Variants in PHACTR1 observed in about 807,000 individuals in gnomAD.
PHACTR1 encodes the protein phosphatase and actin regulator 1.
A neutral mutation model predicts 69.2 loss-of-function variants in PHACTR1; 16 were observed. That is an observed-to-expected ratio of 0.23 (90% confidence interval 0.16 to 0.35). PHACTR1 has a LOEUF of 0.35. Among genes scored for constraint, PHACTR1 ranks in the 10% least tolerant of loss-of-function variants. The pLI, the probability that PHACTR1 is intolerant of heterozygous loss-of-function variation, is 1.00. For synonymous variants in PHACTR1, 312 were observed against 284.5 expected (o/e 1.10, Z -0.97); for missense variants, 510 against 734.7 (o/e 0.69, Z 3.54).
intron 4 of PHACTR1, among the ~76,000 whole-genome samples, chr6:12,985,298 T>C (rs1344643145): frequency 6.6e-6 from 1 of 151,930 alleles, no homozygotes; most frequent in East Asian, 1.9e-4. Context: ...CTTACTCCAA[T>C]TGAGAAATTA....
intron 4 of PHACTR1, among the ~76,000 whole-genome samples, chr6:13,033,143 C>T (rs1014687510): frequency 1.3e-5 from 2 of 152,126 alleles, no homozygotes; most frequent in African/African-American, 4.8e-5. Flanking sequence ...GAAGAATACG[C>T]CAGCCAGACC....
intron 5 of PHACTR1, among the ~76,000 whole-genome samples, chr6:13,116,128 C>T (rs923528464): frequency 9.2e-5 from 14 of 152,180 alleles, no homozygotes; most frequent in African/African-American, 3.1e-4. Flanking sequence ...ATTCAATCAA[C>T]AAGATGCAAT....
At chr6:13,014,120 G>A (rs149166703) in intron 4 of PHACTR1, among the ~76,000 whole-genome samples, 2 of 152,144 alleles carry the variant, frequency 1.3e-5, no homozygotes, top group African/African-American at 4.8e-5. Flanking sequence ...ACTGCAGTCG[G>A]GGGGAGGACG....
At chr6:13,166,352 A>G (rs938751776) in intron 6 of PHACTR1, among the ~76,000 whole-genome samples, 2 of 151,916 alleles carry the variant, frequency 1.3e-5, no homozygotes, top group Non-Finnish European at 2.9e-5. Context: ...TTTCTTGCCT[A>G]TCTCTCCTCA....
At chr6:12,730,276 T>G (rs1183636127) in intron 3 of PHACTR1, among the ~76,000 whole-genome samples, 10 of 152,222 alleles carry the variant, frequency 6.6e-5, no homozygotes, top group Non-Finnish European at 1.5e-5. Flanking sequence ...AAAAACATAT[T>G]TTCTAAATGA....
chr6:13,275,016 A>G lies in PHACTR1; in HGVS notation c.1447+2101A>G, dbSNP rs568778078. The G allele has an allele frequency of 2.6e-5, 4 of 152,216 alleles. No individual in the cohort carries two copies. The South Asian group carries it at 6.2e-4, about 24-fold the overall frequency. 9.4% of individuals were successfully genotyped at this position (152,216 alleles called of 1,614,324 possible). A position where few individuals can be genotyped will look rare whatever the true frequency, so the allele number is the denominator to read the frequency against. Reference sequence around the variant, plus strand: ...ATTTTTTTAAATTTAATCTATTGCGATTGTTAAACAAAAAAAATGTCTAGT... The same window carrying G: ...ATTTTTTTAAATTTAATCTATTGCGGTTGTTAAACAAAAAAAATGTCTAGT... On this transcript the variant is annotated intron_variant, in intron 11 of 14. Coordinates refer to ENST00000332995, the MANE Select transcript of PHACTR1 (RefSeq NM_030948.6). The surrounding 1 kb of genome is among the most constrained non-coding windows in gnomAD (Gnocchi z 4.0).
chr6:12,856,100 A>G (rs982289748), intron 4 of PHACTR1, among the ~76,000 whole-genome samples: 8 of 152,182 alleles, frequency 5.3e-5, no homozygotes, highest in African/African-American at 1.9e-4. Flanking sequence ...GGAAAAGCTC[A>G]GTGAATCTAA....
intron 3 of PHACTR1, 62 bp downstream of exon 3, chr6:12,718,909 G>A: frequency 3.1e-6 from 3 of 983,042 alleles, no homozygotes; most frequent in South Asian, 1.6e-5. Context: ...GAACAGCCAT[G>A]TAGGCTGTAG....
At chr6:12,798,930 C>G (rs141625583) in intron 4 of PHACTR1, among the ~76,000 whole-genome samples, 1 of 152,270 alleles carries the variant, frequency 6.6e-6, no homozygotes, top group Non-Finnish European at 1.5e-5. Flanking sequence ...TCTCCAAGAA[C>G]CAAATTCCAC....
chr6:13,284,792 CAT>C (rs1012925814), intron 13 of PHACTR1, among the ~76,000 whole-genome samples: 5 of 151,990 alleles, frequency 3.3e-5, no homozygotes, highest in African/African-American at 1.2e-4. Flanking sequence ...GTGCAGGAAA[CAT>C]GTATGCAGGC....
chr6:12,724,343 T>C (rs1012688822), intron 3 of PHACTR1, among the ~76,000 whole-genome samples: 4 of 152,012 alleles, frequency 2.6e-5, no homozygotes, highest in South Asian at 2.1e-4. Flanking sequence ...TAAATAAATA[T>C]ATAAAAATAA....
At position 13,283,620 on chromosome 6, in the gene PHACTR1, G is replaced by C; in HGVS notation, c.1650+58G>C. The C allele has an allele frequency of 6.2e-7, 1 of 1,612,394 alleles. No homozygotes were observed. Among genetic ancestry groups the C allele is most frequent in the Non-Finnish European group, 8.5e-7 (1 of 1,179,578 alleles). ...CAGGACCGTCTGCTGGGTCTCGCTG[G>C]GCTCACCGCTGGGGAGCGTGTAGGG... On this transcript the variant is annotated intron_variant, in intron 13 of 14. Transcript: ENST00000332995. This position sits in a 1 kb window ranked among gnomAD's most constrained non-coding sequence, Gnocchi z 4.7.
At chr6:12,947,110 T>C (rs1434494972) in intron 4 of PHACTR1, among the ~76,000 whole-genome samples, 3 of 152,024 alleles carry the variant, frequency 2.0e-5, no homozygotes, top group East Asian at 3.9e-4. Context: ...GCCCGGCCGA[T>C]GGTGCTGGAT....
At chr6:12,763,082 G>A (rs551548880) in intron 4 of PHACTR1, among the ~76,000 whole-genome samples, 2 of 152,230 alleles carry the variant, frequency 1.3e-5, no homozygotes, top group African/African-American at 2.4e-5. Context: ...ACGTGGTGGC[G>A]CATGCCTGTA....
chr6:13,075,732 G>A (rs960269252), intron 5 of PHACTR1, among the ~76,000 whole-genome samples: 2 of 152,064 alleles, frequency 1.3e-5, no homozygotes, highest in African/African-American at 4.8e-5. Flanking sequence ...CCAGCATTTG[G>A]CCAGGCTATG....
chr6:13,074,884 G>A (rs1810176035), intron 5 of PHACTR1, among the ~76,000 whole-genome samples: 1 of 152,156 alleles, frequency 6.6e-6, no homozygotes. Flanking sequence ...AGATGAGGTG[G>A]AGAACAGTAT....
At chr6:12,983,396 G>A (rs1246579588) in intron 4 of PHACTR1, among the ~76,000 whole-genome samples, 3 of 152,170 alleles carry the variant, frequency 2.0e-5, no homozygotes, top group Non-Finnish European at 4.4e-5. Flanking sequence ...GAAGTAGAGG[G>A]CGGGAAGAGC....
chr6:13,286,624 C>T (rs1410566742), intron 14 of PHACTR1, among the ~76,000 whole-genome samples: 1 of 152,222 alleles, frequency 6.6e-6, no homozygotes, highest in Non-Finnish European at 1.5e-5. Context: ...TTCTGTTATT[C>T]CCTGACATTC....
At position 13,152,970 on chromosome 6, in the gene PHACTR1, T is replaced by A. The variant is rs555020485; in HGVS notation, c.416-7234T>A. Among the ~76,000 whole-genome samples the A allele has an allele frequency of 3.9e-5, 6 of 152,108 alleles. No homozygotes were observed. In the South Asian group the frequency reaches 1.2e-3, roughly 32 times the overall value. ...TCTGTCACATAGGGGTGGTCTCTAGTCATCTAGTACCGGCCCTGGAGTGCT... is the reference window on the plus strand; with the variant it reads ...TCTGTCACATAGGGGTGGTCTCTAGACATCTAGTACCGGCCCTGGAGTGCT... On this transcript the variant is annotated intron_variant, in intron 5 of 14. Transcript: ENST00000332995.
Sources: allele counts gnomAD v4.1 joint callset (sites outside exome capture counted in the v4.1 genomes callset), GRCh38; gene constraint gnomAD v4.1.1; non-coding constraint Gnocchi (gnomAD v3.1); transcripts MANE v1.5; gene names NCBI Gene and HGNC (gene_info 2026-07-23, HGNC 2026-07-21).